The following INPP4B variants were observed in gnomAD, a reference collection of about 807,000 sequenced individuals.
The protein encoded by INPP4B is inositol polyphosphate 4-phosphatase type II.
In INPP4B, 55 loss-of-function variants were observed where a neutral mutation model predicts 122.5. That is an observed-to-expected ratio of 0.45 (90% CI 0.36 to 0.56). The LOEUF is 0.56. Ranked by LOEUF, INPP4B falls within the 20% of genes least tolerant of loss-of-function variation. The pLI, the probability that INPP4B is intolerant of heterozygous loss-of-function variation, is 0.00. For missense variants in INPP4B, 1,000 were observed against 1,097.7 expected (o/e 0.91, Z 1.26); for synonymous variants, 403 against 388.7 (o/e 1.04, Z -0.43).
chr4:142,374,383 T>G (rs1791056904), intron 7 of INPP4B, among the ~76,000 whole-genome samples: 1 of 151,924 alleles, frequency 6.6e-6, no homozygotes, highest in Non-Finnish European at 1.5e-5. Context: ...TCATCTAGAT[T>G]TCTCAGCAAA....
intron 7 of INPP4B, among the ~76,000 whole-genome samples, chr4:142,345,512 T>G (rs963239976): frequency 6.6e-6 from 1 of 152,024 alleles, no homozygotes. Context: ...TAAATGGGTG[T>G]AGTTATATCA....
At chr4:142,708,032 T>C (rs947752345) in intron 2 of INPP4B, among the ~76,000 whole-genome samples, 3 of 152,236 alleles carry the variant, frequency 2.0e-5, no homozygotes, top group Non-Finnish European at 4.4e-5. Flanking sequence ...AGGCCACTTT[T>C]GTTATGCGTT....
chr4:142,374,077 A>G (rs1790944211), intron 7 of INPP4B, among the ~76,000 whole-genome samples: 1 of 151,870 alleles, frequency 6.6e-6, no homozygotes, highest in Non-Finnish European at 1.5e-5. Context: ...GTTTTAGTTT[A>G]GGGTGTGTTT....
At position 142,412,768 on chromosome 4, in the gene INPP4B, G is replaced by A. The variant is rs141543937; in HGVS notation, c.137-7444C>T. ...CTCTCATTTTAGCTTATTTTCAATCGGGCAAGCCTGCTTTTTATAATTTTC... is the reference window on the plus strand; with the variant it reads ...CTCTCATTTTAGCTTATTTTCAATCAGGCAAGCCTGCTTTTTATAATTTTC... On this transcript the variant is annotated intron_variant, in intron 5 of 25. Coordinates refer to ENST00000262992, the MANE Select transcript of INPP4B (RefSeq NM_001101669.3). 8.6e-4 allele frequency among the ~76,000 whole-genome samples: 130 copies of A among 151,742 alleles called. 1 individual carries two copies. Among genetic ancestry groups the A allele is most frequent in the Middle Eastern group, 3.4e-3 (1 of 294 alleles).
intron 2 of INPP4B, among the ~76,000 whole-genome samples, chr4:142,540,208 G>T (rs1348417270): frequency 6.6e-6 from 1 of 152,050 alleles, no homozygotes; most frequent in Non-Finnish European, 1.5e-5. Context: ...AGAGATTAAA[G>T]TGGAGACCTT....
chr4:142,824,368 A>G (rs936692329), intron 1 of INPP4B, among the ~76,000 whole-genome samples: 1 of 142,342 alleles, frequency 7.0e-6, no homozygotes. Flanking sequence ...ATTTCTCTGG[A>G]GAACCCAGGC....
chr4:142,819,020 T>A (rs1042498229), intron 1 of INPP4B, among the ~76,000 whole-genome samples: 6 of 152,164 alleles, frequency 3.9e-5, no homozygotes, highest in African/African-American at 1.4e-4. Context: ...TCAAGACGAA[T>A]CTTTGTTGAG....
chr4:142,806,264 G>A (rs951864796), intron 1 of INPP4B, among the ~76,000 whole-genome samples: 3 of 110,482 alleles, frequency 2.7e-5, no homozygotes, highest in African/African-American at 1.1e-4. Flanking sequence ...GGGAGAACGA[G>A]TGAGACTCCG....
At chr4:142,447,046 A>G (rs1383972815) in intron 3 of INPP4B, among the ~76,000 whole-genome samples, 1 of 152,236 alleles carries the variant, frequency 6.6e-6, no homozygotes, top group East Asian at 1.9e-4. Context: ...TTATGTTTTA[A>G]ATAGTCATTA....
chr4:142,029,225 T>C (rs1738269855), intron 25 of INPP4B: 1 of 1,031,654 alleles, frequency 9.7e-7, no homozygotes, highest in African/African-American at 1.7e-5. Flanking sequence ...TCTGCCTTTT[T>C]ATAACATTTC....
At chr4:142,421,670 G>C (rs1262739513) in intron 5 of INPP4B, among the ~76,000 whole-genome samples, 5 of 152,062 alleles carry the variant, frequency 3.3e-5, no homozygotes, top group Admixed American at 3.3e-4. Flanking sequence ...ATGAGCTCTA[G>C]GATTTCATGT....
chr4:142,588,132 C>G (rs978177766), intron 2 of INPP4B, among the ~76,000 whole-genome samples: 3 of 151,830 alleles, frequency 2.0e-5, no homozygotes, highest in Admixed American at 6.6e-5. Flanking sequence ...AATAAAAACT[C>G]TCAGCAGAGT....
At chr4:142,233,604 G>A (rs185648042) in intron 12 of INPP4B, among the ~76,000 whole-genome samples, 202 of 152,252 alleles carry the variant, frequency 1.3e-3, no homozygotes, top group Middle Eastern at 3.4e-3. Flanking sequence ...GTGAGACTGG[G>A]AGGGAAGTTG....
At chr4:142,153,220 A>T (rs574021260) in intron 17 of INPP4B, among the ~76,000 whole-genome samples, 2 of 152,224 alleles carry the variant, frequency 1.3e-5, no homozygotes, top group Non-Finnish European at 2.9e-5. Flanking sequence ...CAACTGGCTG[A>T]ATTGTATGAC....
At chr4:142,277,180 CTT>C (rs961485419) in intron 9 of INPP4B, among the ~76,000 whole-genome samples, 1 of 139,896 alleles carries the variant, frequency 7.1e-6, no homozygotes, top group African/African-American at 2.6e-5. Context: ...TGGGATTGTT[CTT>C]TTTTTTTTTT....
chr4:142,044,360 G>A (rs557149411), intron 25 of INPP4B, among the ~76,000 whole-genome samples: 1 of 152,228 alleles, frequency 6.6e-6, no homozygotes, highest in Non-Finnish European at 1.5e-5. Context: ...AGATAGTAAG[G>A]AGTGACATAG....
At chr4:142,533,400 C>T (rs10519649) in intron 2 of INPP4B, among the ~76,000 whole-genome samples, 35,569 of 151,916 alleles carry the variant, frequency 0.23, 5,289 homozygotes, top group East Asian at 0.78. Context: ...CTCTCAACCA[C>T]TTCTTTTGAT....
chr4:142,200,865 A>G (rs1413200374), intron 14 of INPP4B, among the ~76,000 whole-genome samples: 1 of 152,052 alleles, frequency 6.6e-6, no homozygotes, highest in Non-Finnish European at 1.5e-5. Flanking sequence ...CATCTTATCT[A>G]AATTCTAGAA....
intron 2 of INPP4B, among the ~76,000 whole-genome samples, chr4:142,569,527 G>A (rs1255312175): frequency 1.3e-5 from 2 of 151,998 alleles, no homozygotes; most frequent in Non-Finnish European, 2.9e-5. Context: ...GGAGAAACTG[G>A]GCAAAAGAGA....
Sources: allele counts gnomAD v4.1 joint callset (sites outside exome capture counted in the v4.1 genomes callset), GRCh38; gene constraint gnomAD v4.1.1; transcripts MANE v1.5; gene names NCBI Gene and HGNC (gene_info 2026-07-23, HGNC 2026-07-21).